The following BTD variants were observed in gnomAD, a reference collection of about 807,000 sequenced individuals.
BTD encodes biocytinase.
A neutral mutation model predicts 17.7 loss-of-function variants in BTD; 13 were observed. The observed-to-expected ratio is 0.74, with a 90% CI of 0.48 to 1.17. The LOEUF is 1.17. BTD is among the 50% of genes most tolerant of loss of function. The pLI is 0.00. For missense variants in BTD, 674 were observed against 650.4 expected (o/e 1.04, Z -0.39); for synonymous variants, 240 against 245.2 (o/e 0.98, Z 0.20).
chr3:15,637,716 A>G (rs2065388098), intron 2 of BTD, among the ~76,000 whole-genome samples: 1 of 152,218 alleles, frequency 6.6e-6, no homozygotes, highest in South Asian at 2.1e-4. Flanking sequence ...CCTGCATGGC[A>G]CTGAGTCCAG....
chr3:15,611,987 T>C (rs941428842), intron 1 of BTD, among the ~76,000 whole-genome samples: 1 of 152,120 alleles, frequency 6.6e-6, no homozygotes, highest in African/African-American at 2.4e-5. Flanking sequence ...CCTTTTTTTT[T>C]CTCTAAACAA....
chr3:15,606,873 G>A (rs972117939), intron 1 of BTD: 8 of 151,880 alleles, frequency 5.3e-5, no homozygotes, highest in Non-Finnish European at 8.8e-5. Flanking sequence ...CTTTGAATGC[G>A]GCCCAACACA....
At chr3:15,665,033 T>G (rs1286128833) in intron 3 of BTD, among the ~76,000 whole-genome samples, 1 of 152,172 alleles carries the variant, frequency 6.6e-6, no homozygotes, top group African/African-American at 2.4e-5. Context: ...AGTTTCAAAT[T>G]AAGGAAATAT....
intron 1 of BTD, chr3:15,602,225 T>C (rs2125315455): frequency 1.5e-6 from 2 of 1,335,328 alleles, no homozygotes; most frequent in East Asian, 3.0e-5. Context: ...AGTCAGTAGA[T>C]CCAGACCGTG....
intron 3 of BTD, chr3:15,677,591 T>C (rs754747062): frequency 1.1e-5 from 16 of 1,516,160 alleles, no homozygotes; most frequent in South Asian, 3.4e-5. Flanking sequence ...TCAATTCTTA[T>C]GTTTATGAAC....
At chr3:15,711,509 A>G (rs2072270052) in exon 4 of BTD, among the ~76,000 whole-genome samples, 2 of 152,232 alleles carry the variant, frequency 1.3e-5, no homozygotes, top group Non-Finnish European at 1.5e-5. Context: ...CATTATATTA[A>G]GTGAAACAAG....
At chr3:15,681,714 G>A (rs932456809) in intron 3 of BTD, among the ~76,000 whole-genome samples, 6 of 152,136 alleles carry the variant, frequency 3.9e-5, no homozygotes, top group Non-Finnish European at 8.8e-5. Flanking sequence ...TCTTTTGTCA[G>A]TTCTTTTCTC....
intron 1 of BTD, chr3:15,602,379 A>G (rs1261972820): frequency 1.1e-6 from 1 of 945,018 alleles, no homozygotes; most frequent in African/African-American, 1.8e-5. Context: ...ATATCTTTCC[A>G]AAATTAGGAA....
At chr3:15,659,646 T>TA (rs565866382) in intron 3 of BTD, among the ~76,000 whole-genome samples, 1 of 152,226 alleles carries the variant, frequency 6.6e-6, no homozygotes, top group Non-Finnish European at 1.5e-5. Flanking sequence ...TTCGTTTCCT[T>TA]ATCATTAACG....
chr3:15,616,152 T>C (rs952175451), intron 1 of BTD, among the ~76,000 whole-genome samples: 1 of 152,174 alleles, frequency 6.6e-6, no homozygotes, highest in African/African-American at 2.4e-5. Flanking sequence ...TTCTACTCCT[T>C]TGGGTAAATA....
At chr3:15,602,580 T>C (rs2064300567) in intron 1 of BTD, among the ~76,000 whole-genome samples, 1 of 152,166 alleles carries the variant, frequency 6.6e-6, no homozygotes, top group Admixed American at 6.5e-5. Context: ...ACAGTGGAAC[T>C]TTTAATTTTT....
intron 1 of BTD, among the ~76,000 whole-genome samples, chr3:15,631,220 G>A (rs1336930482): frequency 1.3e-5 from 2 of 152,138 alleles, no homozygotes; most frequent in African/African-American, 4.8e-5. Context: ...CTCAGGCTTT[G>A]TTCCACAGGA....
In BTD at chr3:15,644,773, T is replaced by A; in HGVS notation, c.857T>A (p.Leu286Gln). ...VLAANVHHPV[L>Q]GMTGSGIHTP... ...GCAGCTAATGTCCACCACCCAGTTC[T>A]GGGGATGACAGGAAGTGGCATACAC... is the stretch of plus-strand genomic sequence containing the variant. Residue 286 changes from leucine to glutamine, a missense_variant, in exon 4 of 4, where the codon CTG (leucine) becomes CAG (glutamine). By Grantham distance (113) the Leu-to-Gln change is moderately radical. Transcript: ENST00000643237. 4 of 1,614,154 alleles carry A rather than the reference T, an allele frequency of 2.5e-6. No homozygotes were observed. The highest frequency in any genetic ancestry group is 3.4e-6 in the Non-Finnish European group (4 of 1,180,038).
chr3:15,645,142 A>C lies in BTD; in HGVS notation c.1226A>C (p.Glu409Ala), dbSNP rs2125505114. The C allele has an allele frequency of 6.2e-7, 1 of 1,614,152 alleles. No individual in the cohort carries two copies. Among genetic ancestry groups the C allele is most frequent in the African/African-American group, 1.3e-5 (1 of 75,024 alleles). ...SNGLCCYLLY[E>A]RPTLSKELYA... ...GGCCTCTGCTGTTATTTACTTTACG[A>C]GAGGCCCACCTTATCCAAAGAGCTG... Residue 409 changes from glutamate to alanine, a missense_variant, in exon 4 of 4, where the codon GAG (glutamate) becomes GCG (alanine). Transcript: ENST00000643237.
chr3:15,700,632 G>C (rs1005452356), intron 3 of BTD, among the ~76,000 whole-genome samples: 7 of 152,184 alleles, frequency 4.6e-5, no homozygotes, highest in African/African-American at 1.7e-4. Context: ...AAATTAGCTG[G>C]GTGTGGTGGC....
At chr3:15,603,555 G>A (rs1311939454) in intron 1 of BTD, among the ~76,000 whole-genome samples, 1 of 152,184 alleles carries the variant, frequency 6.6e-6, no homozygotes, top group East Asian at 1.9e-4. Context: ...TACTCAGGAG[G>A]CTGAGGCAGG....
Position 15,645,487 on chromosome 3 carries a change from A to G in BTD, c.1571A>G (p.Ter524TrpextTer32). 1 of 1,604,900 alleles carries G rather than the reference A, an allele frequency of 6.2e-7. No individual in the cohort carries two copies. The change falls in exon 4 of 4, where the codon TAG (stop) becomes TGG (tryptophan). Residue 524 changes from the stop codon to tryptophan, a stop_lost. Coordinates refer to ENST00000643237, the MANE Select transcript of BTD (RefSeq NM_001370658.1). ...TATGGGCGCTTGTATGAGAGGGACT[A>G]GGAAAAGTGTGTGGTCTGTGGGGCG... is the stretch of plus-strand genomic sequence containing the variant. ...ALYGRLYERD[*>W]
At chr3:15,658,990 A>G (rs1007095992) in intron 3 of BTD, among the ~76,000 whole-genome samples, 1 of 152,128 alleles carries the variant, frequency 6.6e-6, no homozygotes, top group Non-Finnish European at 1.5e-5. Context: ...CACTGATCAC[A>G]GGGGGCTGTA....
At chr3:15,611,838 T>C (rs1398705097) in intron 1 of BTD, among the ~76,000 whole-genome samples, 1 of 152,024 alleles carries the variant, frequency 6.6e-6, no homozygotes, top group Non-Finnish European at 1.5e-5. Flanking sequence ...GTCTAAATTT[T>C]CTAGCTTATC....
Sources: allele counts gnomAD v4.1 joint callset (sites outside exome capture counted in the v4.1 genomes callset), GRCh38; gene constraint gnomAD v4.1.1; transcripts MANE v1.5; gene names NCBI Gene and HGNC (gene_info 2026-07-23, HGNC 2026-07-21).